Variants in NCKAP5 observed in about 807,000 individuals in gnomAD.
NCKAP5 encodes nck-associated protein 5.
Under a neutral mutation model 167.0 loss-of-function variants are expected in NCKAP5, and 92 were observed. The observed-to-expected ratio is 0.55, with a 90% CI of 0.47 to 0.66. The LOEUF (loss-of-function observed/expected upper bound fraction) is 0.66. Among genes scored for constraint, NCKAP5 ranks in the 30% least tolerant of loss-of-function variants. The probability of loss-of-function intolerance (pLI) is 0.00; values close to 1 mark genes in which losing one functional copy is unlikely to be tolerated. For missense variants in NCKAP5, 2,378 were observed against 2,315.0 expected (o/e 1.03, Z -0.56); for synonymous variants, 891 against 877.4 (o/e 1.02, Z -0.27).
Position 132,784,370 on chromosome 2 carries a change from G to T in NCKAP5, c.2441C>A (p.Ser814Ter). 6.2e-7 allele frequency: 1 copy of T among 1,613,952 alleles called. No homozygotes were observed. Among genetic ancestry groups the T allele is most frequent in the Non-Finnish European group, 8.5e-7 (1 of 1,179,876 alleles). Residue 814 changes from serine (S) to a stop codon, truncating the protein, a stop_gained, in exon 14 of 20, where the codon TCA becomes TAA. Coordinates refer to ENST00000409261, the MANE Select transcript of NCKAP5 (RefSeq NM_207363.3). LOFTEE classifies it high-confidence loss of function. ...GGTGGCTTCGGGCTCCATTAGTTTTGATTTCTGAGGTGAAGACTTGCCCCT... is the reference window on the plus strand; with the variant it reads ...GGTGGCTTCGGGCTCCATTAGTTTTTATTTCTGAGGTGAAGACTTGCCCCT... ...PPRGKSSPQK[S>*]KLMEPEATTL...
intron 3 of NCKAP5, among the ~76,000 whole-genome samples, chr2:133,363,282 C>T (rs79170875): frequency 1.3e-5 from 2 of 152,082 alleles, no homozygotes; most frequent in African/African-American, 4.8e-5. Flanking sequence ...TAACCCACTG[C>T]CCATTTTTGT....
chr2:133,318,682 C>T (rs74799700), intron 3 of NCKAP5, among the ~76,000 whole-genome samples: 1,567 of 152,208 alleles, frequency 0.01, 28 homozygotes, highest in African/African-American at 0.036. Flanking sequence ...ATGGGACATA[C>T]GGCAACTTTT....
At chr2:132,856,036 C>A (rs571180358) in intron 11 of NCKAP5, among the ~76,000 whole-genome samples, 1 of 151,950 alleles carries the variant, frequency 6.6e-6, no homozygotes, top group African/African-American at 2.4e-5. Context: ...TGGTGGCGGG[C>A]GCCTGTAGTC....
At chr2:133,408,836 G>A (rs971448583) in intron 3 of NCKAP5, among the ~76,000 whole-genome samples, 3 of 152,124 alleles carry the variant, frequency 2.0e-5, no homozygotes, top group African/African-American at 7.2e-5. Context: ...AACAGTAGTG[G>A]GGCTGCCACT....
chr2:133,537,713 A>C (rs1685870978), intron 2 of NCKAP5, among the ~76,000 whole-genome samples: 1 of 152,142 alleles, frequency 6.6e-6, no homozygotes, highest in African/African-American at 2.4e-5. Context: ...TAGCTGTAAT[A>C]TATTTTCTAG....
intron 8 of NCKAP5, chr2:132,954,631 G>A (rs745965038): frequency 4.4e-6 from 2 of 454,416 alleles, no homozygotes; most frequent in South Asian, 3.1e-5. Context: ...GAAAAGTATT[G>A]AATAATGTGG....
intron 3 of NCKAP5, among the ~76,000 whole-genome samples, chr2:133,429,235 G>A (rs1372052426): frequency 1.3e-5 from 2 of 152,092 alleles, no homozygotes; most frequent in African/African-American, 4.8e-5. Context: ...TGTTAAAAAA[G>A]CAAGTAAAAA....
chr2:133,454,041 C>A (rs560778738), intron 3 of NCKAP5, among the ~76,000 whole-genome samples: 4 of 151,860 alleles, frequency 2.6e-5, no homozygotes, highest in Non-Finnish European at 5.9e-5. Context: ...TGTCAGTTTG[C>A]AAATCAGTAA....
intron 8 of NCKAP5, among the ~76,000 whole-genome samples, chr2:132,914,338 T>A (rs2148967008): frequency 6.6e-6 from 1 of 150,928 alleles, no homozygotes; most frequent in South Asian, 2.1e-4. Context: ...CAGTAACAAT[T>A]TGATGTTAAA....
chr2:133,413,456 T>G (rs189498809), intron 3 of NCKAP5, among the ~76,000 whole-genome samples: 1 of 152,342 alleles, frequency 6.6e-6, no homozygotes, highest in African/African-American at 2.4e-5. Context: ...AAGATCAGTG[T>G]ATCATATCAG....
intron 3 of NCKAP5, among the ~76,000 whole-genome samples, chr2:133,427,412 A>G (rs1689880951): frequency 6.6e-6 from 1 of 152,208 alleles, no homozygotes; most frequent in South Asian, 2.1e-4. Context: ...TTATAGTTTT[A>G]AAATAGGCAA....
At chr2:133,281,191 T>C (rs1423199046) in intron 4 of NCKAP5, among the ~76,000 whole-genome samples, 1 of 152,200 alleles carries the variant, frequency 6.6e-6, no homozygotes. Context: ...TAGCCAGCAA[T>C]AACTACAGCA....
At chr2:133,358,052 C>T (rs1431803209) in intron 3 of NCKAP5, among the ~76,000 whole-genome samples, 1 of 152,168 alleles carries the variant, frequency 6.6e-6, no homozygotes, top group Non-Finnish European at 1.5e-5. Context: ...GACTCCTTCT[C>T]CCATTAAGAC....
At chr2:133,448,228 A>C (rs2151188819) in intron 3 of NCKAP5, among the ~76,000 whole-genome samples, 1 of 151,482 alleles carries the variant, frequency 6.6e-6, no homozygotes, top group East Asian at 2.0e-4. Flanking sequence ...TCTGGCCAAT[A>C]ATAGGTTTGA....
At chr2:133,342,352 C>A (rs574185142) in intron 3 of NCKAP5, among the ~76,000 whole-genome samples, 132 of 152,200 alleles carry the variant, frequency 8.7e-4, no homozygotes, top group African/African-American at 3.1e-3. Flanking sequence ...ATGCAGATGA[C>A]CCACGGACCA....
intron 4 of NCKAP5, among the ~76,000 whole-genome samples, chr2:133,221,362 A>G (rs1217549944): frequency 1.3e-5 from 2 of 148,528 alleles, no homozygotes; most frequent in Non-Finnish European, 2.9e-5. Flanking sequence ...TTTAAAACTT[A>G]CTTATGTTTA....
intron 19 of NCKAP5, 52 bp downstream of exon 19, chr2:132,725,575 C>A (rs1049141649): frequency 1.2e-5 from 19 of 1,557,532 alleles, no homozygotes; most frequent in Non-Finnish European, 1.6e-5. Context: ...GTATAATCAG[C>A]GGCTTCCCAG....
intron 5 of NCKAP5, among the ~76,000 whole-genome samples, chr2:133,197,059 T>C (rs1025791317): frequency 6.6e-6 from 1 of 152,120 alleles, no homozygotes; most frequent in Non-Finnish European, 1.5e-5. Context: ...TCATGAGAAG[T>C]GGGCAGAAGA....
the NCKAP5 span, among the ~76,000 whole-genome samples, chr2:133,625,726 C>A: frequency 6.6e-6 from 1 of 151,926 alleles, no homozygotes; most frequent in Admixed American, 6.6e-5. Context: ...AAAAAATTAG[C>A]CGGGCGTAGT....
Sources: gnomAD v4.1 joint callset for allele counts (sites outside exome capture counted in the v4.1 genomes callset) on GRCh38, gnomAD v4.1.1 for gene constraint, MANE v1.5 for transcripts, NCBI Gene and HGNC (gene_info 2026-07-23, HGNC 2026-07-21) for gene names.